The following TATDN2 variants were observed in gnomAD, a reference collection of about 807,000 sequenced individuals.
TATDN2 encodes the protein TatD DNase domain containing 2.
TATDN2 carries 44 observed loss-of-function variants against 60.3 expected under a neutral mutation model. The observed-to-expected ratio is 0.73, with a 90% CI of 0.57 to 0.94. TATDN2 has a LOEUF of 0.94. Among genes scored for constraint, TATDN2 ranks in the 40% least tolerant of loss-of-function variants. The pLI, the probability that TATDN2 is intolerant of heterozygous loss-of-function variation, is 0.00. For synonymous variants in TATDN2, 399 were observed against 355.8 expected (o/e 1.12, Z -1.37); for missense variants, 997 against 948.0 (o/e 1.05, Z -0.68).
chr3:10,260,423 C>T lies in TATDN2; in HGVS notation c.701C>T (p.Ala234Val). The part of the protein sequence containing the change: ...PARSEGPAKT[A>V]EGAARSVTVT... Reference sequence around the variant, plus strand: ...AGGAGTGAAGGACCAGCCAAGACTGCAGAAGGAGCAGCCAGGAGTGTCACA... The same window carrying T: ...AGGAGTGAAGGACCAGCCAAGACTGTAGAAGGAGCAGCCAGGAGTGTCACA... Residue 234 changes from alanine (A) to valine (V), a missense_variant, in exon 3 of 8, where the codon GCA becomes GTA. Ala to Val is a moderately conservative substitution (Grantham distance 64). Coordinates refer to ENST00000448281, the MANE Select transcript of TATDN2 (RefSeq NM_014760.4). The T allele has an allele frequency of 1.2e-6, 2 of 1,614,146 alleles. No individual in the cohort carries two copies. Among genetic ancestry groups the T allele is most frequent in the Non-Finnish European group, 1.7e-6 (2 of 1,179,988 alleles).
At chr3:10,266,931 C>CTTTTTTTTTTTTTTTTTTTTTTTTTT (rs199956355) in intron 3 of TATDN2, among the ~76,000 whole-genome samples, 1 of 126,904 alleles carries the variant, frequency 7.9e-6, no homozygotes, top group Non-Finnish European at 1.6e-5. Flanking sequence ...CTAAGGCAGT[C>CTTTTTTTTTTTTTTTTTTTTTTTTTT]TTTTTTTTTT....
In TATDN2 at chr3:10,278,505, G is replaced by T. The variant is rs750016905; in HGVS notation, c.2145+43G>T. Reference sequence around the variant, plus strand: ...CTGAGTGGAGGCACCGGAGGGAGAGGGTGGGGAGGTGGGTGGTCACCCTTA... The same window carrying T: ...CTGAGTGGAGGCACCGGAGGGAGAGTGTGGGGAGGTGGGTGGTCACCCTTA... On this transcript the variant is annotated intron_variant, in intron 6 of 7. Coordinates refer to ENST00000448281, the MANE Select transcript of TATDN2 (RefSeq NM_014760.4). This position sits in a 1 kb window ranked among gnomAD's most constrained non-coding sequence, Gnocchi z 4.7. 1.2e-6 allele frequency: 2 copies of T among 1,600,328 alleles called. No individual in the cohort carries two copies. The highest frequency in any genetic ancestry group is 8.5e-7 in the Non-Finnish European group (1 of 1,170,262).
chr3:10,264,928 G>A (rs1230906436), intron 3 of TATDN2, among the ~76,000 whole-genome samples: 3 of 151,016 alleles, frequency 2.0e-5, no homozygotes, highest in Non-Finnish European at 2.9e-5. Flanking sequence ...TATCCGCCTC[G>A]GCCTCCCAAA....
intron 2 of TATDN2, among the ~76,000 whole-genome samples, chr3:10,257,294 TTATATA>T (rs3072531): frequency 3.0e-5 from 4 of 133,600 alleles, no homozygotes; most frequent in East Asian, 2.6e-4. Context: ...CAAAAAAAAA[TTATATA>T]TATATATATA....
intron 2 of TATDN2, among the ~76,000 whole-genome samples, chr3:10,257,218 G>A (rs894827480): frequency 2.0e-5 from 3 of 151,290 alleles, no homozygotes; most frequent in Middle Eastern, 3.4e-3. Flanking sequence ...CCTCAGAGGC[G>A]GAGGTTGCAG....
chr3:10,249,704 A>C (rs1291799702), intron 2 of TATDN2, 90 bp downstream of exon 2: 6 of 1,377,854 alleles, frequency 4.4e-6, no homozygotes, highest in Non-Finnish European at 2.9e-6. Flanking sequence ...AGGAGACTAC[A>C]AAACATTACA....
At chr3:10,258,015 C>T (rs1698341841) in intron 2 of TATDN2, among the ~76,000 whole-genome samples, 1 of 150,956 alleles carries the variant, frequency 6.6e-6, no homozygotes. Flanking sequence ...CGCCCGCCAC[C>T]ACGCACGGCT....
chr3:10,268,563 A>G (rs1346110749), intron 3 of TATDN2, among the ~76,000 whole-genome samples: 1 of 152,180 alleles, frequency 6.6e-6, no homozygotes, highest in Non-Finnish European at 1.5e-5. Flanking sequence ...TGCTTACTGT[A>G]TTTCTCAAAC....
Position 10,260,503 on chromosome 3 carries a change from G to T in TATDN2, c.781G>T (p.Asp261Tyr). 1 of 1,614,108 alleles carries T rather than the reference G, an allele frequency of 6.2e-7. No homozygotes were observed. Among genetic ancestry groups the T allele is most frequent in the Non-Finnish European group, 8.5e-7 (1 of 1,179,964 alleles). ...AACCCCAGAGGTCAGCATGGAGGAG[G>T]ATAAGACAGTGCCAGAGAGGAGCAG... ...DATPEVSMEE[D>Y]KTVPERSSFY... The change falls in exon 3 of 8, where the codon GAT becomes TAT. Residue 261 changes from aspartate to tyrosine, a missense_variant. Physicochemically the swap from Asp to Tyr is radical, Grantham distance 160 (BLOSUM62 -3). Coordinates refer to ENST00000448281, the MANE Select transcript of TATDN2 (RefSeq NM_014760.4).
intron 2 of TATDN2, among the ~76,000 whole-genome samples, chr3:10,256,400 T>G (rs966433300): frequency 6.6e-6 from 1 of 151,986 alleles, no homozygotes; most frequent in African/African-American, 2.4e-5. Flanking sequence ...GGTCTTGAAC[T>G]CCTAGGCTCA....
chr3:10,276,032 A>G (rs1258539663), intron 4 of TATDN2, among the ~76,000 whole-genome samples: 2 of 152,126 alleles, frequency 1.3e-5, no homozygotes, highest in Non-Finnish European at 2.9e-5. Context: ...TCGGCATCAT[A>G]TAGTGGTTAC....
At position 10,256,242 on chromosome 3, in the gene TATDN2, C is replaced by T. The variant is rs376023431; in HGVS notation, c.415-3895C>T. 3.9e-5 allele frequency among the ~76,000 whole-genome samples: 6 copies of T among 152,172 alleles called. 1 individual carries two copies. Among genetic ancestry groups the T allele is most frequent in the African/African-American group, 1.4e-4 (6 of 41,532 alleles). ...AGGCTGGAGTGCAGTGGCACAAGCTCGGCTTACTGTGACCTTGACCTTCCA... is the reference window on the plus strand; with the variant it reads ...AGGCTGGAGTGCAGTGGCACAAGCTTGGCTTACTGTGACCTTGACCTTCCA... On this transcript the variant is annotated intron_variant, in intron 2 of 7. Coordinates refer to ENST00000448281, the MANE Select transcript of TATDN2 (RefSeq NM_014760.4).
chr3:10,257,841 ATTTTTTTTTTTTTT>A (rs553265148), intron 2 of TATDN2, among the ~76,000 whole-genome samples: 311 of 30,306 alleles, frequency 0.01, 4 homozygotes, highest in Non-Finnish European at 0.011. Flanking sequence ...AAGGTTTATG[ATTTTTTTTTTTTTT>A]TTTTTTTTTT....
intron 2 of TATDN2, among the ~76,000 whole-genome samples, chr3:10,258,226 G>A (rs946477060): frequency 2.0e-5 from 3 of 151,580 alleles, no homozygotes; most frequent in African/African-American, 4.8e-5. Flanking sequence ...TGTGCTCTTC[G>A]GAAAAAAATT....
intron 2 of TATDN2, among the ~76,000 whole-genome samples, chr3:10,251,716 TA>T (rs1447452935): frequency 6.6e-6 from 1 of 152,132 alleles, no homozygotes; most frequent in Non-Finnish European, 1.5e-5. Flanking sequence ...AAAATTATTT[TA>T]TTTTTTTGAA....
In TATDN2 at chr3:10,278,787, CAA is replaced by C. The variant is rs1576019173; in HGVS notation, c.2146-96_2146-95del. 1.9e-6 allele frequency: 3 copies of C among 1,583,664 alleles called. No individual in the cohort carries two copies. The African/African-American group carries it at 4.0e-5, about 21-fold the overall frequency. On this transcript the variant is annotated intron_variant, in intron 6 of 7. Transcript: ENST00000448281. This position sits in a 1 kb window ranked among gnomAD's most constrained non-coding sequence, Gnocchi z 4.7. ...TAAAGGGGTCTCTACAGGGCAGCCC[CAA>C]AGAGGTCCTTGCTGGGGAAGGGACA...
chr3:10,249,146 G>A, intron 1 of TATDN2, 49 bp from the exon 2 acceptor site: 1 of 1,480,940 alleles, frequency 6.8e-7, no homozygotes, highest in East Asian at 2.5e-5. Context: ...TCTGAGGTGG[G>A]GTCGCCAGGA....
At position 10,278,466 on chromosome 3, in the gene TATDN2, A is replaced by C; in HGVS notation, c.2145+4A>C. ...TCCCTATTTCCTCCCTCGCCAGGTA[A>C]GGGGGTCTTCAGGCTGAGTGGAGGC... On this transcript the variant is annotated splice_donor_region_variant and intron_variant, in intron 6 of 7. Coordinates refer to ENST00000448281, the MANE Select transcript of TATDN2 (RefSeq NM_014760.4). The surrounding 1 kb of genome is among the most constrained non-coding windows in gnomAD (Gnocchi z 4.7). The C allele has an allele frequency of 6.4e-7, 1 of 1,571,892 alleles. No homozygotes were observed. The highest frequency in any genetic ancestry group is 8.7e-7 in the Non-Finnish European group (1 of 1,151,676).
At position 10,249,205 on chromosome 3, in the gene TATDN2, C is replaced by T. The variant is rs765010479; in HGVS notation, c.5C>T (p.Ala2Val). Residue 2 changes from alanine (A) to valine (V), a missense_variant, in exon 2 of 8, where the codon GCG becomes GTG. By Grantham distance (64) the Ala-to-Val change is moderately conservative (BLOSUM62 0). Transcript: ENST00000448281. M[A>V]SERGKVKHNW... ...CCCTGTACCTTGCAGGTGCCCATGG[C>T]GTCCGAGCGGGGCAAGGTCAAGCAC... 2 of 1,511,678 alleles carry T rather than the reference C, an allele frequency of 1.3e-6. No homozygotes were observed. Among genetic ancestry groups the T allele is most frequent in the Non-Finnish European group, 1.8e-6 (2 of 1,128,818 alleles). The allele number at this position is 1,511,678 out of a possible 1,614,324, so 93.6% of individuals were successfully genotyped here.
Sources: allele counts gnomAD v4.1 joint callset (sites outside exome capture counted in the v4.1 genomes callset), GRCh38; gene constraint gnomAD v4.1.1; non-coding constraint Gnocchi (gnomAD v3.1); transcripts MANE v1.5; gene names NCBI Gene and HGNC (gene_info 2026-07-23, HGNC 2026-07-21).